ITGA9: variants seen among roughly 807,000 people sequenced by gnomAD.
The protein encoded by ITGA9 is integrin alpha-9.
A neutral mutation model predicts 127.8 loss-of-function variants in ITGA9; 56 were observed. The observed-to-expected ratio is 0.44, with a 90% CI of 0.35 to 0.55. The LOEUF (loss-of-function observed/expected upper bound fraction) is 0.55, where lower values mean the gene tolerates loss of function less well. Ranked by LOEUF, ITGA9 falls within the 20% of genes least tolerant of loss-of-function variation. The pLI, the probability that ITGA9 is intolerant of heterozygous loss-of-function variation, is 0.00. For synonymous variants in ITGA9, 508 were observed against 514.5 expected (o/e 0.99, Z 0.17); for missense variants, 1,196 against 1,347.1 (o/e 0.89, Z 1.76).
At chr3:37,801,297 G>T (rs924406008) in intron 26 of ITGA9, among the ~76,000 whole-genome samples, 2 of 152,134 alleles carry the variant, frequency 1.3e-5, no homozygotes, top group African/African-American at 4.8e-5. Flanking sequence ...CCTTGGTGGG[G>T]GTGGGGACTG....
At position 37,645,262 on chromosome 3, in the gene ITGA9, C is replaced by T. The variant is rs192722284; in HGVS notation, c.1840-8452C>T. Among the ~76,000 whole-genome samples the T allele has an allele frequency of 5.3e-5, 8 of 152,232 alleles. No individual in the cohort carries two copies. The East Asian group carries it at 1.5e-3, about 29-fold the overall frequency. On this transcript the variant is annotated intron_variant, in intron 16 of 27. Coordinates refer to ENST00000264741, the MANE Select transcript of ITGA9 (RefSeq NM_002207.3). ...GGCAGAGACCTTCTGCTAAGTCATACCGCATATCAAGAAATATATTGCTAG... is the reference window on the plus strand; with the variant it reads ...GGCAGAGACCTTCTGCTAAGTCATATCGCATATCAAGAAATATATTGCTAG...
intron 15 of ITGA9, among the ~76,000 whole-genome samples, chr3:37,545,445 C>T (rs569132669): frequency 1.2e-4 from 18 of 152,222 alleles, no homozygotes; most frequent in Non-Finnish European, 2.1e-4. Context: ...CATGGAAGAC[C>T]GCACAGGCTA....
intron 15 of ITGA9, among the ~76,000 whole-genome samples, chr3:37,551,330 C>T (rs757072671): frequency 2.6e-5 from 4 of 152,158 alleles, no homozygotes; most frequent in South Asian, 2.1e-4. Flanking sequence ...ACTCTGAAGA[C>T]GCATGAATTG....
intron 18 of ITGA9, among the ~76,000 whole-genome samples, chr3:37,711,023 C>T (rs976103231): frequency 6.6e-6 from 1 of 152,158 alleles, no homozygotes; most frequent in Non-Finnish European, 1.5e-5. Flanking sequence ...GGTTCTGGCT[C>T]GAGGTCTCTT....
chr3:37,512,120 C>CTTTTTCTTTTCTTTTCT (rs60763846), intron 8 of ITGA9, among the ~76,000 whole-genome samples: 1 of 39,450 alleles, frequency 2.5e-5, no homozygotes, highest in African/African-American at 1.2e-4. Flanking sequence ...TTCCTTCCTT[C>CTTTTTCTTTTCTTTTCT]TTTCTTTTCT....
chr3:37,697,165 T>A (rs560861077), intron 18 of ITGA9, among the ~76,000 whole-genome samples: 1 of 152,190 alleles, frequency 6.6e-6, no homozygotes, highest in Non-Finnish European at 1.5e-5. Flanking sequence ...GGCTAGAGAC[T>A]CGATTGTACT....
chr3:37,803,742 C>T lies in ITGA9; in HGVS notation c.2890-81C>T, dbSNP rs568482098. On this transcript the variant is annotated intron_variant, in intron 26 of 27. Transcript: ENST00000264741. ...TGAGCCGAGATTGTGCCATTGCACTCCAGCCTGGGTGACAGAACAAGACTC... is the reference window on the plus strand; with the variant it reads ...TGAGCCGAGATTGTGCCATTGCACTTCAGCCTGGGTGACAGAACAAGACTC... 6.7e-5 allele frequency: 104 copies of T among 1,555,526 alleles called. No individual in the cohort carries two copies. In the East Asian group the frequency reaches 2.4e-3, roughly 36 times the overall value.
intron 13 of ITGA9, among the ~76,000 whole-genome samples, chr3:37,526,883 C>T (rs1189178262): frequency 1.3e-5 from 2 of 152,364 alleles, no homozygotes; most frequent in East Asian, 1.9e-4. Context: ...GTCTCCACTG[C>T]AGGGCTACAC....
At chr3:37,739,306 T>G (rs1420279782) in intron 20 of ITGA9, among the ~76,000 whole-genome samples, 1 of 152,212 alleles carries the variant, frequency 6.6e-6, no homozygotes, top group African/African-American at 2.4e-5. Flanking sequence ...ATTTCTAGTT[T>G]CTTAAATCAC....
In ITGA9 at chr3:37,743,347, G is replaced by A. The variant is rs1696460558; in HGVS notation, c.2325-579G>A. ...TCTTCTCAGGAATGTGTTCATATAA[G>A]CAACATTGAAAGCATTGCTGCAAAC... On this transcript the variant is annotated intron_variant, in intron 21 of 27. Transcript: ENST00000264741. Among the ~76,000 whole-genome samples the A allele has an allele frequency of 2.0e-5, 3 of 152,256 alleles. 1 individual carries two copies. In the Middle Eastern group the frequency reaches 0.01, roughly 518 times the overall value.
Position 37,820,650 on chromosome 3 carries a change from A to G in ITGA9, c.*1661A>G, listed in dbSNP as rs944611665. On this transcript the variant is annotated 3_prime_UTR_variant, in exon 28 of 28. Coordinates refer to ENST00000264741, the MANE Select transcript of ITGA9 (RefSeq NM_002207.3). Reference sequence around the variant, plus strand: ...CTCAGCACTGACCTGGCCCATAGTGATCACTCAATAACTGTTAACAGCTAT... The same window carrying G: ...CTCAGCACTGACCTGGCCCATAGTGGTCACTCAATAACTGTTAACAGCTAT... 4 of 152,202 alleles carry G rather than the reference A, an allele frequency of 2.6e-5. No homozygotes were observed. The highest frequency in any genetic ancestry group is 9.7e-5 in the African/African-American group (4 of 41,432). 9.4% of individuals were successfully genotyped at this position (152,202 alleles called of 1,614,324 possible). A position where few individuals can be genotyped will look rare whatever the true frequency, so the allele number is the denominator to read the frequency against.
intron 18 of ITGA9, among the ~76,000 whole-genome samples, chr3:37,725,337 A>G (rs1696170650): frequency 6.6e-6 from 1 of 152,216 alleles, no homozygotes; most frequent in Non-Finnish European, 1.5e-5. Context: ...GGCAGGAGAC[A>G]AGGTATAGTG....
intron 1 of ITGA9, among the ~76,000 whole-genome samples, chr3:37,457,128 C>T (rs1009228700): frequency 3.9e-5 from 6 of 152,074 alleles, no homozygotes; most frequent in Non-Finnish European, 5.9e-5. Context: ...GTACTAAAAC[C>T]GAAACGGGTG....
Position 37,819,159 on chromosome 3 carries a change from C to G in ITGA9, c.*170C>G. The G allele has an allele frequency of 3.0e-6, 2 of 660,980 alleles. No individual in the cohort carries two copies. 40.9% of individuals were successfully genotyped at this position (660,980 alleles called of 1,614,324 possible). ...GCCAGCCTGAGGCAGCCACTTCGGC[C>G]AGGTCACACGACCGGGGCCAGCACC... On this transcript the variant is annotated 3_prime_UTR_variant, in exon 28 of 28. Transcript: ENST00000264741.
intron 12 of ITGA9, among the ~76,000 whole-genome samples, chr3:37,523,997 C>T (rs965950962): frequency 4.6e-5 from 7 of 152,162 alleles, no homozygotes; most frequent in Admixed American, 1.3e-4. Context: ...GCACCCCCAC[C>T]GCCCCCTGCC....
chr3:37,520,542 G>A (rs529453411), intron 11 of ITGA9, among the ~76,000 whole-genome samples: 11 of 152,298 alleles, frequency 7.2e-5, no homozygotes, highest in South Asian at 4.1e-4. Context: ...AAAAAGGAAC[G>A]CTCGGAAACT....
At chr3:37,630,892 C>A (rs935485972) in intron 16 of ITGA9, among the ~76,000 whole-genome samples, 1 of 152,068 alleles carries the variant, frequency 6.6e-6, no homozygotes, top group African/African-American at 2.4e-5. Flanking sequence ...GCTGGCCTTA[C>A]TCTGAGGTGT....
At chr3:37,783,881 A>G (rs1367864963) in intron 25 of ITGA9, among the ~76,000 whole-genome samples, 1 of 152,212 alleles carries the variant, frequency 6.6e-6, no homozygotes, top group Non-Finnish European at 1.5e-5. Flanking sequence ...ACATATACAG[A>G]CCAGGGTCCC....
At chr3:37,568,318 C>T (rs1699568214) in intron 15 of ITGA9, among the ~76,000 whole-genome samples, 2 of 152,190 alleles carry the variant, frequency 1.3e-5, no homozygotes, top group Admixed American at 6.5e-5. Context: ...CCAGGCCTGG[C>T]CCATGAAACC....
Sources: allele counts gnomAD v4.1 joint callset (sites outside exome capture counted in the v4.1 genomes callset), GRCh38; gene constraint gnomAD v4.1.1; transcripts MANE v1.5; gene names NCBI Gene and HGNC (gene_info 2026-07-23, HGNC 2026-07-21).